Variants in PPP2R3A observed in about 807,000 individuals in gnomAD.
PPP2R3A encodes the protein serine/threonine-protein phosphatase 2A regulatory subunit B'' subunit alpha.
A neutral mutation model predicts 106.9 loss-of-function variants in PPP2R3A; 80 were observed. The ratio of observed to expected loss-of-function variants is 0.75; its 90% CI spans 0.62 to 0.90. The LOEUF (loss-of-function observed/expected upper bound fraction) is 0.90, where lower values mean the gene tolerates loss of function less well. Ranked by LOEUF, PPP2R3A falls within the 40% of genes least tolerant of loss-of-function variation. The pLI is 0.00. For missense variants in PPP2R3A, 1,386 were observed against 1,350.4 expected, an observed-to-expected ratio of 1.03 and a Z score of -0.41; for synonymous variants, 483 against 468.3, an observed-to-expected ratio of 1.03 and a Z score of -0.41.
At chr3:136,019,416 A>C (rs1483553243) in intron 2 of PPP2R3A, among the ~76,000 whole-genome samples, 1 of 152,138 alleles carries the variant, frequency 6.6e-6, no homozygotes, top group African/African-American at 2.4e-5. Flanking sequence ...CTGTCACCCC[A>C]AAACAGCTTT....
chr3:136,009,134 C>T (rs1933954689), intron 2 of PPP2R3A, among the ~76,000 whole-genome samples: 1 of 152,240 alleles, frequency 6.6e-6, no homozygotes, highest in African/African-American at 2.4e-5. Flanking sequence ...CTAAACATTT[C>T]CCTTCCTATT....
In PPP2R3A at chr3:136,090,687, T is replaced by C; in HGVS notation, c.2927+20T>C. The C allele has an allele frequency of 6.3e-7, 1 of 1,589,574 alleles. No homozygotes were observed. Among genetic ancestry groups the C allele is most frequent in the Non-Finnish European group, 8.6e-7 (1 of 1,158,886 alleles). On this transcript the variant is annotated intron_variant, in intron 10 of 13. Transcript: ENST00000264977. ...TACCAGGTATGATTTCTAAGTTTCC[T>C]TTGCCAAGATGTTAAACACATGCAC...
chr3:136,035,195 A>G (rs1412085334), intron 3 of PPP2R3A, among the ~76,000 whole-genome samples: 1 of 152,164 alleles, frequency 6.6e-6, no homozygotes, highest in Non-Finnish European at 1.5e-5. Context: ...TAAGTGGAGT[A>G]TTTAGGCCAT....
At chr3:135,992,234 G>A (rs1933198581) in intron 1 of PPP2R3A, among the ~76,000 whole-genome samples, 1 of 151,994 alleles carries the variant, frequency 6.6e-6, no homozygotes, top group African/African-American at 2.4e-5. Flanking sequence ...ATGTTTTCCA[G>A]GCAAAGTAAT....
At chr3:136,114,445 TC>T (rs1937661662) in intron 13 of PPP2R3A, among the ~76,000 whole-genome samples, 1 of 151,864 alleles carries the variant, frequency 6.6e-6, no homozygotes, top group Admixed American at 6.6e-5. Flanking sequence ...AACCATTCAC[TC>T]CCCTGGAAGG....
chr3:136,079,346 C>G, intron 7 of PPP2R3A: 1 of 228,812 alleles, frequency 4.4e-6, no homozygotes, highest in Non-Finnish European at 9.3e-6. Flanking sequence ...TGATGATAAT[C>G]CCCCACTTTC....
intron 5 of PPP2R3A, chr3:136,055,447 A>C: frequency 9.0e-7 from 1 of 1,109,190 alleles, no homozygotes; most frequent in Non-Finnish European, 1.4e-6. Context: ...TTAAGGCACA[A>C]AGTGTAAATG....
In PPP2R3A at chr3:136,113,163, G is replaced by A. The variant is rs567269158; in HGVS notation, c.3329+6841G>A. Among the ~76,000 whole-genome samples the A allele has an allele frequency of 4.1e-5, 6 of 145,588 alleles. No individual in the cohort carries two copies. In the South Asian group the frequency reaches 6.8e-4, roughly 16 times the overall value. On this transcript the variant is annotated intron_variant, in intron 13 of 13. Coordinates refer to ENST00000264977, the MANE Select transcript of PPP2R3A (RefSeq NM_002718.5). The stretch of plus-strand genomic sequence containing the variant: ...AACAAAAAAAGCCCGAATAGCCAGA[G>A]CAACCCAAAGCAAAACAACAAAGCC...
At chr3:136,095,062 T>C (rs1937185167) in intron 10 of PPP2R3A, among the ~76,000 whole-genome samples, 1 of 152,090 alleles carries the variant, frequency 6.6e-6, no homozygotes, top group Admixed American at 6.5e-5. Flanking sequence ...TAGGTGCCCC[T>C]CTCTGGATTT....
intron 1 of PPP2R3A, among the ~76,000 whole-genome samples, chr3:135,966,592 CTG>C (rs1382984008): frequency 6.6e-6 from 1 of 152,078 alleles, no homozygotes; most frequent in African/African-American, 2.4e-5. Context: ...CATCCGAACT[CTG>C]TTGTGCTCCC....
At chr3:136,116,026 C>T (rs1237435519) in intron 13 of PPP2R3A, among the ~76,000 whole-genome samples, 3 of 152,022 alleles carry the variant, frequency 2.0e-5, no homozygotes, top group Non-Finnish European at 2.9e-5. Context: ...AAGGGAAGCC[C>T]ATCAAACCAA....
intron 13 of PPP2R3A, among the ~76,000 whole-genome samples, chr3:136,138,112 G>T (rs929910703): frequency 6.6e-6 from 1 of 152,194 alleles, no homozygotes; most frequent in African/African-American, 2.4e-5. Flanking sequence ...TAATATTACA[G>T]ATATATGAGT....
intron 5 of PPP2R3A, among the ~76,000 whole-genome samples, chr3:136,053,589 A>G (rs541448569): frequency 6.6e-6 from 1 of 152,330 alleles, no homozygotes; most frequent in African/African-American, 2.4e-5. Flanking sequence ...CTGGTTCACA[A>G]ATATAAAGTG....
chr3:135,981,618 G>C lies in PPP2R3A; in HGVS notation c.-441+15769G>C, dbSNP rs973093954. ...TATACTAGGCACTGTTTTAGTGTTAGGATGCAGTGGTGACCACAGCAAACA... is the reference window on the plus strand; with the variant it reads ...TATACTAGGCACTGTTTTAGTGTTACGATGCAGTGGTGACCACAGCAAACA... On this transcript the variant is annotated intron_variant, in intron 1 of 13. Transcript: ENST00000264977. 1.8e-4 allele frequency among the ~76,000 whole-genome samples: 28 copies of C among 151,934 alleles called. 1 individual carries two copies. Among genetic ancestry groups the C allele is most frequent in the African/African-American group, 6.1e-4 (25 of 41,216 alleles).
chr3:136,064,324 G>A (rs13082684), intron 5 of PPP2R3A, among the ~76,000 whole-genome samples: 31,045 of 150,440 alleles, frequency 0.21, 3,506 homozygotes, highest in Non-Finnish European at 0.24. Context: ...GCTAAATGAC[G>A]AGTTACTGGG....
intron 1 of PPP2R3A, among the ~76,000 whole-genome samples, chr3:135,990,282 C>T (rs1041119689): frequency 6.6e-6 from 1 of 152,040 alleles, no homozygotes; most frequent in East Asian, 1.9e-4. Context: ...ATCCACTAGG[C>T]GCTGAAGACC....
At chr3:136,006,904 G>A (rs954256203) in intron 2 of PPP2R3A, among the ~76,000 whole-genome samples, 1 of 152,202 alleles carries the variant, frequency 6.6e-6, no homozygotes, top group African/African-American at 2.4e-5. Flanking sequence ...AAGGGAAATT[G>A]CAGACTGCTC....
In PPP2R3A at chr3:136,051,578, C is replaced by T. The variant is rs574452117; in HGVS notation, c.2469+2217C>T. Among the ~76,000 whole-genome samples the T allele has an allele frequency of 1.4e-4, 22 of 152,330 alleles. No homozygotes were observed. In the South Asian group the frequency reaches 1.7e-3, roughly 11 times the overall value. On this transcript the variant is annotated intron_variant, in intron 5 of 13. Coordinates refer to ENST00000264977, the MANE Select transcript of PPP2R3A (RefSeq NM_002718.5). Reference sequence around the variant, plus strand: ...CTCCTGACCTCCGGTGATCCACCTGCCTCAGCCTCCCAAAGTGCTGGGATT... The same window carrying T: ...CTCCTGACCTCCGGTGATCCACCTGTCTCAGCCTCCCAAAGTGCTGGGATT...
At chr3:136,115,258 G>A (rs1937699894) in intron 13 of PPP2R3A, among the ~76,000 whole-genome samples, 1 of 152,140 alleles carries the variant, frequency 6.6e-6, no homozygotes, top group Non-Finnish European at 1.5e-5. Flanking sequence ...CAACACCAAA[G>A]ACCAAAGGTA....
Sources: allele counts gnomAD v4.1 joint callset (sites outside exome capture counted in the v4.1 genomes callset), GRCh38; gene constraint gnomAD v4.1.1; transcripts MANE v1.5; gene names NCBI Gene and HGNC (gene_info 2026-07-23, HGNC 2026-07-21).